The following SH3GL3 variants were observed in gnomAD, a reference collection of about 807,000 sequenced individuals.
The protein encoded by SH3GL3 is endophilin-A3.
In SH3GL3, 33 loss-of-function variants were observed where a neutral mutation model predicts 47.7. That is an observed-to-expected ratio of 0.69 (90% CI 0.52 to 0.92). The LOEUF (loss-of-function observed/expected upper bound fraction) is 0.92. Among genes scored for constraint, SH3GL3 ranks in the 40% least tolerant of loss-of-function variants. The pLI is 0.00. For synonymous variants in SH3GL3, 155 were observed against 148.8 expected (o/e 1.04, Z -0.30); for missense variants, 363 against 417.8 (o/e 0.87, Z 1.14).
chr15:83,486,555 T>C (rs1449739386), intron 1 of SH3GL3, among the ~76,000 whole-genome samples: 4 of 152,252 alleles, frequency 2.6e-5, no homozygotes, highest in African/African-American at 9.6e-5. Flanking sequence ...TTCATCCATA[T>C]TGTAGCATGT....
chr15:83,622,784 C>T (rs2060918413), downstream of SH3GL3, among the ~76,000 whole-genome samples: 1 of 152,270 alleles, frequency 6.6e-6, no homozygotes, highest in African/African-American at 2.4e-5. Context: ...GCAGTAGCCA[C>T]TGTCTTCCCT....
the SH3GL3 span, among the ~76,000 whole-genome samples, chr15:83,631,496 C>T: frequency 1.3e-5 from 2 of 152,240 alleles, no homozygotes; most frequent in African/African-American, 4.8e-5. Context: ...GGTTTCCATA[C>T]ATCCTCTGAA....
intron 1 of SH3GL3, among the ~76,000 whole-genome samples, chr15:83,465,622 A>G (rs866425851): frequency 1.3e-5 from 2 of 151,976 alleles, no homozygotes; most frequent in Middle Eastern, 3.2e-3. Context: ...CATTCACATC[A>G]TAGCACAGAT....
At chr15:83,494,464 C>T (rs2041999385) in intron 1 of SH3GL3, among the ~76,000 whole-genome samples, 1 of 152,044 alleles carries the variant, frequency 6.6e-6, no homozygotes, top group Non-Finnish European at 1.5e-5. Flanking sequence ...GAGTAGGACT[C>T]TTGAGGATCC....
the SH3GL3 span, among the ~76,000 whole-genome samples, chr15:83,633,359 T>C: frequency 6.6e-6 from 1 of 152,208 alleles, no homozygotes; most frequent in South Asian, 2.1e-4. Flanking sequence ...TTTCCTCCTT[T>C]TCCCCACTTC....
intron 5 of SH3GL3, among the ~76,000 whole-genome samples, chr15:83,573,514 A>G (rs1171907360): frequency 1.3e-5 from 2 of 152,202 alleles, no homozygotes; most frequent in East Asian, 1.9e-4. Flanking sequence ...TGTGTTTTAT[A>G]AAGTCCTCCA....
At chr15:83,541,268 T>C (rs1168702919) in intron 1 of SH3GL3, among the ~76,000 whole-genome samples, 1 of 151,590 alleles carries the variant, frequency 6.6e-6, no homozygotes, top group Non-Finnish European at 1.5e-5. Flanking sequence ...TGATTTCCTG[T>C]CTTCTTTCCT....
chr15:83,560,725 T>C (rs2045224535), intron 2 of SH3GL3, among the ~76,000 whole-genome samples: 1 of 152,150 alleles, frequency 6.6e-6, no homozygotes, highest in African/African-American at 2.4e-5. Context: ...TTTTAAAACT[T>C]TCCAGAAGAG....
chr15:83,530,874 C>A (rs978092076), intron 1 of SH3GL3, among the ~76,000 whole-genome samples: 2 of 152,126 alleles, frequency 1.3e-5, no homozygotes, highest in Non-Finnish European at 2.9e-5. Context: ...ACTGAAGGCA[C>A]CTAGGCCAGG....
intron 1 of SH3GL3, among the ~76,000 whole-genome samples, chr15:83,558,808 C>T (rs2045096583): frequency 6.6e-6 from 1 of 152,226 alleles, no homozygotes; most frequent in South Asian, 2.1e-4. Flanking sequence ...ACTCCCAGTG[C>T]CGTGGGCTCT....
chr15:83,490,485 T>A (rs2041830697), intron 1 of SH3GL3, among the ~76,000 whole-genome samples: 1 of 152,162 alleles, frequency 6.6e-6, no homozygotes, highest in Admixed American at 6.5e-5. Context: ...GGAAATGTTA[T>A]TTGTGAGTCT....
intron 6 of SH3GL3, among the ~76,000 whole-genome samples, chr15:83,580,156 C>T (rs950812210): frequency 7.9e-5 from 12 of 152,208 alleles, no homozygotes; most frequent in African/African-American, 2.2e-4. Context: ...ACAACCCGCA[C>T]GTCCAACCTT....
chr15:83,592,276 A>G (rs900040613), intron 8 of SH3GL3, among the ~76,000 whole-genome samples: 13 of 152,260 alleles, frequency 8.5e-5, no homozygotes, highest in African/African-American at 1.9e-4. Context: ...ACTTATAATC[A>G]CTATTTTTGT....
intron 1 of SH3GL3, among the ~76,000 whole-genome samples, chr15:83,474,318 C>G (rs770472767): frequency 1.3e-5 from 2 of 152,178 alleles, no homozygotes; most frequent in Non-Finnish European, 2.9e-5. Flanking sequence ...CCTGAATGTC[C>G]TGCTTCTGTT....
intron 1 of SH3GL3, among the ~76,000 whole-genome samples, chr15:83,504,075 A>G (rs1276718089): frequency 1.3e-5 from 2 of 152,178 alleles, no homozygotes; most frequent in African/African-American, 4.8e-5. Flanking sequence ...CATTTTACAT[A>G]TGATTGTCGA....
chr15:83,617,234 A>G (rs1244850686), intron 8 of SH3GL3, among the ~76,000 whole-genome samples: 2 of 152,208 alleles, frequency 1.3e-5, no homozygotes, highest in Non-Finnish European at 2.9e-5. Context: ...GTCTGTAAAT[A>G]TTCTTGCCTT....
chr15:83,588,582 G>A, intron 7 of SH3GL3, 80 bp from the exon 8 acceptor site: 1 of 882,114 alleles, frequency 1.1e-6, no homozygotes, highest in South Asian at 1.4e-5. Context: ...AAGTTCCTGT[G>A]CTCAACAAGG....
chr15:83,617,354 T>G (rs1387062419), intron 8 of SH3GL3, among the ~76,000 whole-genome samples: 1 of 152,200 alleles, frequency 6.6e-6, no homozygotes, highest in African/African-American at 2.4e-5. Context: ...TCCTGAACCA[T>G]GAGTGATACA....
chr15:83,565,154 A>C lies in SH3GL3; in HGVS notation c.135A>C (p.Lys45Asn). ...DMERKIDVTNKVVAEILSKTT... is the reference protein window; with the variant it reads ...DMERKIDVTNNVVAEILSKTT... The stretch of plus-strand genomic sequence containing the variant: ...TTAAGAAAATAGATGTTACCAATAA[A>C]GTTGTTGCAGAAATTCTTTCAAAAA... The change falls in exon 3 of 9, where the codon AAA becomes AAC. Residue 45 changes from lysine to asparagine, a missense_variant. By Grantham distance (94) the Lys-to-Asn change is moderately conservative. Coordinates refer to ENST00000427482, the MANE Select transcript of SH3GL3 (RefSeq NM_003027.5). The C allele has an allele frequency of 6.4e-7, 1 of 1,561,834 alleles. No homozygotes were observed. The highest frequency in any genetic ancestry group is 8.8e-7 in the Non-Finnish European group (1 of 1,138,774).
Sources: allele counts gnomAD v4.1 joint callset (sites outside exome capture counted in the v4.1 genomes callset), GRCh38; gene constraint gnomAD v4.1.1; transcripts MANE v1.5; gene names NCBI Gene and HGNC (gene_info 2026-07-23, HGNC 2026-07-21).